RNF121: variants seen among roughly 807,000 people sequenced by gnomAD.
The protein encoded by RNF121 is ring finger protein 121, also known as E3 ubiquitin ligase RNF121.
RNF121 carries 21 observed loss-of-function variants against 46.5 expected under a neutral mutation model. That is an observed-to-expected ratio of 0.45 (90% CI 0.32 to 0.65). The LOEUF (loss-of-function observed/expected upper bound fraction) is 0.65, where lower values mean the gene tolerates loss of function less well. Ranked by LOEUF, RNF121 falls within the 30% of genes least tolerant of loss-of-function variation. RNF121 has a pLI of 0.04. For synonymous variants in RNF121, 139 were observed against 144.7 expected, an observed-to-expected ratio of 0.96 and a Z score of 0.28; for missense variants, 346 against 416.0, an observed-to-expected ratio of 0.83 and a Z score of 1.46.
Position 71,960,818 on chromosome 11 carries a change from T to A in RNF121, c.170T>A (p.Ile57Asn), listed in dbSNP as rs1413253999. 1.2e-6 allele frequency: 2 copies of A among 1,614,188 alleles called. No individual in the cohort carries two copies. The highest frequency in any genetic ancestry group is 1.7e-6 in the Non-Finnish European group (2 of 1,180,026). The change falls in exon 3 of 9, where the codon ATC becomes AAC. Residue 57 changes from isoleucine (I) to asparagine (N), a missense_variant. By Grantham distance (149) the Ile-to-Asn change is moderately radical. Coordinates refer to ENST00000361756, the MANE Select transcript of RNF121 (RefSeq NM_018320.5). ...HEAMHAEMVL[I>N]LIATLVVAQL... is the part of the protein sequence containing the mutation. ...GCTATGCATGCTGAAATGGTCCTCATCCTCATCGCAACCTTGGTGGTGGCC... is the reference window on the plus strand; with the variant it reads ...GCTATGCATGCTGAAATGGTCCTCAACCTCATCGCAACCTTGGTGGTGGCC...
Position 71,987,002 on chromosome 11 carries a change from A to G in RNF121, c.399-2A>G, listed in dbSNP as rs1436289255. The G allele has an allele frequency of 6.3e-7, 1 of 1,579,486 alleles. No homozygotes were observed. Among genetic ancestry groups the G allele is most frequent in the South Asian group, 1.1e-5 (1 of 90,396 alleles). On this transcript the variant is annotated splice_acceptor_variant, in intron 4 of 8. Transcript: ENST00000361756. LOFTEE classifies it high-confidence loss of function. ...TGCACTAACCTTCTCTCCTTTCCCC[A>G]GGTTGGTTTATAAGTGGTTCCTGCT... is the stretch of plus-strand genomic sequence containing the variant.
At chr11:71,954,671 A>G (rs1025595094) in intron 1 of RNF121, among the ~76,000 whole-genome samples, 1 of 152,190 alleles carries the variant, frequency 6.6e-6, no homozygotes, top group Non-Finnish European at 1.5e-5. Flanking sequence ...ATTATGTCAA[A>G]GAGAGGCACC....
chr11:71,940,710 T>G (rs1043658947), intron 1 of RNF121, among the ~76,000 whole-genome samples: 7 of 152,112 alleles, frequency 4.6e-5, no homozygotes, highest in African/African-American at 1.7e-4. Context: ...CTCACGAGAT[T>G]AATAGTCCTG....
chr11:71,990,930 C>A, intron 6 of RNF121: 1 of 580,568 alleles, frequency 1.7e-6, no homozygotes, highest in Non-Finnish European at 3.0e-6. Context: ...CAGCAACATG[C>A]CAGCTGGAGG....
At position 71,995,504 on chromosome 11, in the gene RNF121, T is replaced by A; in HGVS notation, c.816T>A (p.Cys272Ter). ...GWCIVGKKQT[C>*]PYCKEKVDLK... is the part of the protein sequence containing the mutation. Reference sequence around the variant, plus strand: ...GCATCGTGGGAAAGAAGCAAACGTGTCCCTACTGCAAAGAGAAGGTAGACC... The same window carrying A: ...GCATCGTGGGAAAGAAGCAAACGTGACCCTACTGCAAAGAGAAGGTAGACC... The change falls in exon 8 of 9, where the codon TGT becomes TGA. Residue 272 changes from cysteine to a stop codon, truncating the protein, a stop_gained. Coordinates refer to ENST00000361756, the MANE Select transcript of RNF121 (RefSeq NM_018320.5). LOFTEE classifies it high-confidence loss of function. 6.3e-7 allele frequency: 1 copy of A among 1,596,172 alleles called. No individual in the cohort carries two copies. The highest frequency in any genetic ancestry group is 8.5e-7 in the Non-Finnish European group (1 of 1,169,930).
intron 3 of RNF121, among the ~76,000 whole-genome samples, chr11:71,977,176 A>G (rs1366589415): frequency 6.6e-6 from 1 of 152,076 alleles, no homozygotes; most frequent in Non-Finnish European, 1.5e-5. Flanking sequence ...CATTTCATCC[A>G]CTATATTGCT....
chr11:71,939,254 CA>C, intron 1 of RNF121: 2 of 193,748 alleles, frequency 1.0e-5, no homozygotes, highest in Non-Finnish European at 1.1e-5. Flanking sequence ...GCATGTGCAG[CA>C]AAAATTCAGT....
At chr11:71,946,999 C>T (rs1404570988) in intron 1 of RNF121, among the ~76,000 whole-genome samples, 1 of 150,674 alleles carries the variant, frequency 6.6e-6, no homozygotes, top group Admixed American at 6.7e-5. Context: ...TCCCTAGTAG[C>T]TGGGATTACA....
rs1431134045 is a variant in RNF121, at chr11:71,994,701, C to T, written c.628-18C>T. On this transcript the variant is annotated intron_variant, in intron 6 of 8. Coordinates refer to ENST00000361756, the MANE Select transcript of RNF121 (RefSeq NM_018320.5). ...CTCACATCTTTTCCTATCTTTCCTT[C>T]CTGCTATTCTCCTTCAGTTCTACAG... 2.5e-6 allele frequency: 4 copies of T among 1,613,772 alleles called. No homozygotes were observed. The highest frequency in any genetic ancestry group is 1.3e-5 in the African/African-American group (1 of 74,920).
chr11:71,935,947 A>ACACC, intron 1 of RNF121, among the ~76,000 whole-genome samples: 1 of 144,488 alleles, frequency 6.9e-6, no homozygotes, highest in Admixed American at 7.3e-5. Flanking sequence ...TCCTGGGTTC[A>ACACC]AGGGTTTCTC....
chr11:71,995,651 C>T, intron 8 of RNF121, 100 bp downstream of exon 8: 6 of 873,178 alleles, frequency 6.9e-6, no homozygotes, highest in South Asian at 1.5e-5. Flanking sequence ...CACTTCTGCC[C>T]CCAACCAGAA....
rs376468791 is a variant in RNF121 at position 71,960,754 on chromosome 11, G to A, written c.106G>A (p.Glu36Lys). 9.3e-6 allele frequency: 15 copies of A among 1,612,982 alleles called. No individual in the cohort carries two copies. Among genetic ancestry groups the A allele is most frequent in the African/African-American group, 5.3e-5 (4 of 74,896 alleles). The part of the protein sequence containing the change: ...DLSPEEQWRV[E>K]HARMHAKHRG... Reference sequence around the variant, plus strand: ...CCCCATGTGTTTGGCTTTCAGGGTCGAGCACGCACGCATGCATGCCAAGCA... The same window carrying A: ...CCCCATGTGTTTGGCTTTCAGGGTCAAGCACGCACGCATGCATGCCAAGCA... Residue 36 changes from glutamate to lysine, a missense_variant, in exon 3 of 9, where the codon GAG (glutamate) becomes AAG (lysine). Physicochemically the swap from Glu to Lys is moderately conservative, Grantham distance 56. Coordinates refer to ENST00000361756, the MANE Select transcript of RNF121 (RefSeq NM_018320.5).
chr11:71,995,800 A>G (rs752696037), intron 8 of RNF121, among the ~76,000 whole-genome samples: 6 of 152,144 alleles, frequency 3.9e-5, no homozygotes, highest in Non-Finnish European at 7.3e-5. Context: ...TGTCAGCCTC[A>G]GGCTGTGTTA....
At chr11:71,934,793 C>G (rs1315664804) in intron 1 of RNF121, among the ~76,000 whole-genome samples, 2 of 152,132 alleles carry the variant, frequency 1.3e-5, no homozygotes, top group Admixed American at 6.5e-5. Context: ...TGTTTTATCT[C>G]AGAGACAGCC....
intron 3 of RNF121, among the ~76,000 whole-genome samples, chr11:71,976,014 T>C (rs1320859361): frequency 6.6e-6 from 1 of 152,328 alleles, no homozygotes; most frequent in East Asian, 1.9e-4. Flanking sequence ...TCCAGTAATG[T>C]GTAGTGTCTC....
At chr11:71,979,844 A>G (rs1026922068) in intron 3 of RNF121, among the ~76,000 whole-genome samples, 5 of 152,204 alleles carry the variant, frequency 3.3e-5, no homozygotes, top group Admixed American at 2.0e-4. Context: ...AGAGAGAACA[A>G]ATGTGACCAG....
chr11:71,941,808 C>T (rs1953574053), intron 1 of RNF121, among the ~76,000 whole-genome samples: 1 of 152,054 alleles, frequency 6.6e-6, no homozygotes. Flanking sequence ...GCCAGTGTGA[C>T]AGATCATAAT....
At position 71,934,834 on chromosome 11, in the gene RNF121, C is replaced by G. The variant is rs8181566; in HGVS notation, c.63+5710C>G. Among the ~76,000 whole-genome samples, 780 of 151,722 alleles carry G rather than the reference C, an allele frequency of 5.1e-3. 19 individuals are homozygous for G. Among genetic ancestry groups the G allele is most frequent in the Admixed American group, 0.027 (415 of 15,230 alleles). ...ATCATAGATGCTTAGAAGCCTGTGT[C>G]GAGAAGGATTCTGAGGCCAGGGCTT... On this transcript the variant is annotated intron_variant, in intron 1 of 8. Transcript: ENST00000361756.
chr11:71,975,437 C>T (rs563976410), intron 3 of RNF121, among the ~76,000 whole-genome samples: 5 of 152,228 alleles, frequency 3.3e-5, no homozygotes, highest in Non-Finnish European at 7.3e-5. Flanking sequence ...CTTTTTCTAT[C>T]TGGACCTATT....
Sources: allele counts gnomAD v4.1 joint callset (sites outside exome capture counted in the v4.1 genomes callset), GRCh38; gene constraint gnomAD v4.1.1; transcripts MANE v1.5; gene names NCBI Gene and HGNC (gene_info 2026-07-23, HGNC 2026-07-21).